CNOT2: variants seen among roughly 807,000 people sequenced by gnomAD.
The protein encoded by CNOT2 is CCR4-NOT transcription complex subunit 2.
Under a neutral mutation model 72.1 loss-of-function variants are expected in CNOT2, and 7 were observed. That is an observed-to-expected ratio of 0.10 (90% CI 0.06 to 0.18). The LOEUF (loss-of-function observed/expected upper bound fraction) is 0.18, where lower values mean the gene tolerates loss of function less well. Among genes scored for constraint, CNOT2 ranks in the 10% least tolerant of loss-of-function variants. The pLI, the probability that CNOT2 is intolerant of heterozygous loss-of-function variation, is 1.00. For synonymous variants in CNOT2, 196 were observed against 225.6 expected, an observed-to-expected ratio of 0.87 and a Z score of 1.17; for missense variants, 345 against 660.3, an observed-to-expected ratio of 0.52 and a Z score of 5.23.
intron 2 of CNOT2, among the ~76,000 whole-genome samples, chr12:70,280,604 G>A (rs1869648386): frequency 1.3e-5 from 2 of 152,086 alleles, no homozygotes; most frequent in South Asian, 2.1e-4. Flanking sequence ...CTGATAATAG[G>A]CTAATATTGA....
chr12:70,272,099 G>T (rs1258408367), intron 1 of CNOT2, among the ~76,000 whole-genome samples: 1 of 152,166 alleles, frequency 6.6e-6, no homozygotes, highest in African/African-American at 2.4e-5. Flanking sequence ...TGCTTCTGCT[G>T]CAGTCCTTGT....
At chr12:70,311,490 G>A (rs1043234923) in intron 3 of CNOT2, among the ~76,000 whole-genome samples, 2 of 151,822 alleles carry the variant, frequency 1.3e-5, no homozygotes, top group Non-Finnish European at 2.9e-5. Context: ...TCAGCCATAG[G>A]GATACTATAA....
At chr12:70,329,036 A>G (rs1879524559) in intron 4 of CNOT2, among the ~76,000 whole-genome samples, 2 of 151,974 alleles carry the variant, frequency 1.3e-5, no homozygotes, top group South Asian at 4.1e-4. Context: ...GTTGTGAATA[A>G]AGACATAAAA....
At chr12:70,261,850 T>A (rs961707929) in intron 1 of CNOT2, among the ~76,000 whole-genome samples, 4 of 151,712 alleles carry the variant, frequency 2.6e-5, no homozygotes, top group African/African-American at 9.7e-5. Context: ...TTTTTTTTTT[T>A]ATGGGAAGTT....
chr12:70,269,457 AAAATT>A (rs1959176791), intron 1 of CNOT2, among the ~76,000 whole-genome samples: 1 of 152,134 alleles, frequency 6.6e-6, no homozygotes, highest in Non-Finnish European at 1.5e-5. Flanking sequence ...TTACATGTGC[AAAATT>A]AAATACATAT....
intron 2 of CNOT2, among the ~76,000 whole-genome samples, chr12:70,289,302 A>T (rs1237207310): frequency 6.6e-6 from 1 of 152,090 alleles, no homozygotes; most frequent in Non-Finnish European, 1.5e-5. Flanking sequence ...ATTTCCTATG[A>T]AAAGTCTGCT....
chr12:70,279,467 T>C (rs567733545), intron 2 of CNOT2, among the ~76,000 whole-genome samples: 12 of 152,336 alleles, frequency 7.9e-5, no homozygotes, highest in Admixed American at 1.3e-4. Flanking sequence ...GTATGCTGAA[T>C]CAGTTTTCTC....
chr12:70,251,916 T>C (rs1958158577), intron 1 of CNOT2, among the ~76,000 whole-genome samples: 1 of 152,230 alleles, frequency 6.6e-6, no homozygotes, highest in Non-Finnish European at 1.5e-5. Flanking sequence ...TTTAACATTC[T>C]TGGATAAATT....
At chr12:70,292,309 A>G (rs1467695506) in intron 2 of CNOT2, among the ~76,000 whole-genome samples, 1 of 152,214 alleles carries the variant, frequency 6.6e-6, no homozygotes, top group Non-Finnish European at 1.5e-5. Flanking sequence ...TGCAGTGTGT[A>G]TGATATAACA....
intron 1 of CNOT2, among the ~76,000 whole-genome samples, chr12:70,262,784 CT>C (rs1299823928): frequency 2.6e-5 from 4 of 152,122 alleles, no homozygotes; most frequent in Admixed American, 2.6e-4. Flanking sequence ...AGCACTTCCC[CT>C]GCCTCAGCCT....
At chr12:70,249,401 T>C (rs1468605611) in intron 1 of CNOT2, among the ~76,000 whole-genome samples, 1 of 148,372 alleles carries the variant, frequency 6.7e-6, no homozygotes, top group African/African-American at 2.5e-5. Context: ...TATATTAAAA[T>C]AAGTTTAAAA....
At chr12:70,253,321 G>A (rs1958242619) in intron 1 of CNOT2, among the ~76,000 whole-genome samples, 1 of 152,072 alleles carries the variant, frequency 6.6e-6, no homozygotes, top group Non-Finnish European at 1.5e-5. Context: ...CTTCCCTTAA[G>A]TGTATTTAGT....
intron 1 of CNOT2, among the ~76,000 whole-genome samples, chr12:70,268,893 A>G (rs2135768824): frequency 6.6e-6 from 1 of 152,336 alleles, no homozygotes; most frequent in South Asian, 2.1e-4. Flanking sequence ...TCCGGTATGC[A>G]AAAAGGATCA....
chr12:70,254,912 C>T (rs1300511458), intron 1 of CNOT2, among the ~76,000 whole-genome samples: 2 of 144,706 alleles, frequency 1.4e-5, no homozygotes, highest in Non-Finnish European at 3.0e-5. Flanking sequence ...ACCTGGGAGG[C>T]GGAGGTTGCA....
In CNOT2 at chr12:70,311,084, G is replaced by A. The variant is rs1429088641; in HGVS notation, c.171+67G>A. ...TCTGTGTCTGGGTTCCTGAAAAACA[G>A]CATATCAAGTGCAGAATACTGTCTG... On this transcript the variant is annotated intron_variant, in intron 3 of 15. Transcript: ENST00000229195. 2.6e-6 allele frequency: 3 copies of A among 1,143,434 alleles called. No homozygotes were observed. In the African/African-American group the frequency reaches 4.6e-5, roughly 17 times the overall value. The allele number at this position is 1,143,434 out of a possible 1,614,324, so 70.8% of individuals were successfully genotyped here.
chr12:70,268,247 G>A (rs1447881178), intron 1 of CNOT2, among the ~76,000 whole-genome samples: 1 of 152,070 alleles, frequency 6.6e-6, no homozygotes, highest in Non-Finnish European at 1.5e-5. Context: ...AATTCTGGGT[G>A]GACAGTTCTC....
chr12:70,341,967 C>G, intron 11 of CNOT2, 140 bp from the exon 12 acceptor site: 1 of 671,104 alleles, frequency 1.5e-6, no homozygotes, highest in Non-Finnish European at 2.7e-6. Flanking sequence ...TCATTTGCTT[C>G]TGTATAAGTC....
intron 3 of CNOT2, among the ~76,000 whole-genome samples, chr12:70,317,752 A>T (rs903730429): frequency 2.0e-5 from 3 of 151,444 alleles, no homozygotes; most frequent in Admixed American, 1.3e-4. Flanking sequence ...AGTATAAAAA[A>T]TTTTGCAAAC....
At chr12:70,265,276 T>TTCTCG in intron 1 of CNOT2, among the ~76,000 whole-genome samples, 1 of 114,866 alleles carries the variant, frequency 8.7e-6, no homozygotes, top group East Asian at 2.6e-4. Context: ...GTTTTGTTTC[T>TTCTCG]TCTCTTCTCT....
Sources: gnomAD v4.1 joint callset for allele counts (sites outside exome capture counted in the v4.1 genomes callset) on GRCh38, gnomAD v4.1.1 for gene constraint, MANE v1.5 for transcripts, NCBI Gene and HGNC (gene_info 2026-07-23, HGNC 2026-07-21) for gene names.